The following FHIT variants were observed in gnomAD, a reference collection of about 807,000 sequenced individuals.
The protein encoded by FHIT is bis(5'-adenosyl)-triphosphatase.
FHIT carries 19 observed loss-of-function variants against 17.9 expected under a neutral mutation model. The ratio of observed to expected loss-of-function variants is 1.06; its 90% confidence interval spans 0.74 to 1.56. The LOEUF (loss-of-function observed/expected upper bound fraction) is 1.56. Ranked by LOEUF, FHIT falls within the 40% of genes most tolerant of loss-of-function variation. The probability of loss-of-function intolerance (pLI) is 0.00; values close to 1 mark genes in which losing one functional copy is unlikely to be tolerated. For missense variants in FHIT, 248 were observed against 189.2 expected (o/e 1.31, Z -1.82); for synonymous variants, 81 against 69.7 (o/e 1.16, Z -0.81).
chr3:59,785,792 C>T (rs1312728561), intron 8 of FHIT, among the ~76,000 whole-genome samples: 1 of 152,174 alleles, frequency 6.6e-6, no homozygotes, highest in Non-Finnish European at 1.5e-5. Context: ...GCCAGACGTC[C>T]TTCAGCCAGG....
intron 4 of FHIT, among the ~76,000 whole-genome samples, chr3:60,739,004 G>C (rs1279898154): frequency 6.6e-6 from 1 of 152,178 alleles, no homozygotes; most frequent in African/African-American, 2.4e-5. Flanking sequence ...CAGAGAAAGA[G>C]AGAGGAGAAG....
intron 5 of FHIT, among the ~76,000 whole-genome samples, chr3:60,180,820 T>G (rs1490223678): frequency 3.3e-5 from 5 of 152,164 alleles, no homozygotes; most frequent in Non-Finnish European, 7.3e-5. Context: ...TCACCATCTC[T>G]AAATTACTGG....
intron 5 of FHIT, among the ~76,000 whole-genome samples, chr3:60,126,334 T>G (rs2107244052): frequency 6.6e-6 from 1 of 152,272 alleles, no homozygotes; most frequent in Non-Finnish European, 1.5e-5. Context: ...CGTCCCTTTA[T>G]AAAGAAGTTC....
chr3:60,378,632 A>G (rs1164941897), intron 5 of FHIT, among the ~76,000 whole-genome samples: 2 of 152,240 alleles, frequency 1.3e-5, no homozygotes, highest in African/African-American at 4.8e-5. Flanking sequence ...ACCTACACAG[A>G]TTTAACATGT....
Position 60,018,756 on chromosome 3 carries a change from T to C in FHIT, c.104-4604A>G, listed in dbSNP as rs560910512. On this transcript the variant is annotated intron_variant, in intron 5 of 9. Transcript: ENST00000492590. ...ACTTTGGGAGGCCAAAGCGCGCGAA[T>C]CACCTGAGGTCAGCAGTTCAAGACC... 5.2e-4 allele frequency among the ~76,000 whole-genome samples: 79 copies of C among 152,236 alleles called. 1 individual carries two copies. In the South Asian group the frequency reaches 0.016, roughly 31 times the overall value.
chr3:60,509,889 A>G (rs757893246), intron 5 of FHIT, among the ~76,000 whole-genome samples: 2 of 152,194 alleles, frequency 1.3e-5, no homozygotes, highest in African/African-American at 4.8e-5. Flanking sequence ...CAATGAATAC[A>G]TCACGTACCT....
chr3:61,225,553 A>ATAACCAATTC (rs1279871512), intron 1 of FHIT, among the ~76,000 whole-genome samples: 2 of 152,246 alleles, frequency 1.3e-5, no homozygotes, highest in African/African-American at 4.8e-5. Context: ...TCAAAGCTTA[A>ATAACCAATTC]TAACCAATTC....
intron 3 of FHIT, among the ~76,000 whole-genome samples, chr3:60,954,432 G>T (rs540650308): frequency 1.3e-5 from 2 of 152,300 alleles, no homozygotes; most frequent in African/African-American, 4.8e-5. Flanking sequence ...GCTCTGGAGA[G>T]TTTAGAGAAG....
At chr3:59,904,795 G>A (rs369859192) in intron 8 of FHIT, among the ~76,000 whole-genome samples, 2 of 152,316 alleles carry the variant, frequency 1.3e-5, no homozygotes, top group South Asian at 4.1e-4. Context: ...CTCCCTACCT[G>A]AAGGTGAGAA....
intron 5 of FHIT, among the ~76,000 whole-genome samples, chr3:60,145,594 T>C (rs1700205837): frequency 6.6e-6 from 1 of 152,184 alleles, no homozygotes; most frequent in Non-Finnish European, 1.5e-5. Context: ...TCATCATTTA[T>C]CAGCAACGGA....
At chr3:60,614,809 G>T (rs1308152796) in intron 4 of FHIT, among the ~76,000 whole-genome samples, 15 of 78,232 alleles carry the variant, frequency 1.9e-4, no homozygotes, top group African/African-American at 2.5e-4. Context: ...TGCAAAAGTT[G>T]TTTTTTTTTT....
At chr3:60,087,803 C>T (rs1703559592) in intron 5 of FHIT, among the ~76,000 whole-genome samples, 4 of 152,170 alleles carry the variant, frequency 2.6e-5, no homozygotes, top group African/African-American at 9.7e-5. Flanking sequence ...TAGCCATTCT[C>T]TAAGAAGTTC....
chr3:60,394,799 C>T (rs1285653812), intron 5 of FHIT, among the ~76,000 whole-genome samples: 1 of 152,128 alleles, frequency 6.6e-6, no homozygotes, highest in African/African-American at 2.4e-5. Flanking sequence ...ACCACTGTTA[C>T]CACTATCATC....
intron 5 of FHIT, among the ~76,000 whole-genome samples, chr3:60,412,912 C>T (rs576931292): frequency 6.6e-6 from 1 of 152,244 alleles, no homozygotes; most frequent in Admixed American, 6.5e-5. Context: ...TTTGCACATG[C>T]TTTCTCTCAC....
chr3:60,940,276 C>T (rs892554403), intron 3 of FHIT, among the ~76,000 whole-genome samples: 6 of 152,074 alleles, frequency 3.9e-5, no homozygotes, highest in Non-Finnish European at 8.8e-5. Context: ...CACAAGCTCA[C>T]GTGTGCCAAA....
intron 2 of FHIT, among the ~76,000 whole-genome samples, chr3:61,133,598 A>G (rs1231875401): frequency 6.6e-6 from 1 of 152,238 alleles, no homozygotes; most frequent in African/African-American, 2.4e-5. Context: ...TTTAGGAATC[A>G]TCTATGTAGT....
chr3:60,550,272 A>G (rs906971673), intron 4 of FHIT, among the ~76,000 whole-genome samples: 1 of 152,234 alleles, frequency 6.6e-6, no homozygotes, highest in Non-Finnish European at 1.5e-5. Flanking sequence ...GATTTGTAAA[A>G]CATTCTAATC....
chr3:60,470,031 T>C (rs1228897510), intron 5 of FHIT, among the ~76,000 whole-genome samples: 4 of 100,872 alleles, frequency 4.0e-5, no homozygotes, highest in South Asian at 7.1e-4. Flanking sequence ...TGTCTCTCTG[T>C]CTCTCTCCCC....
intron 7 of FHIT, among the ~76,000 whole-genome samples, chr3:59,968,984 C>T (rs961147209): frequency 6.6e-6 from 1 of 152,160 alleles, no homozygotes; most frequent in Non-Finnish European, 1.5e-5. Flanking sequence ...TGCTGAGCAT[C>T]ATCACAGTCA....
Sources: allele counts gnomAD v4.1 joint callset (sites outside exome capture counted in the v4.1 genomes callset), GRCh38; gene constraint gnomAD v4.1.1; transcripts MANE v1.5; gene names NCBI Gene and HGNC (gene_info 2026-07-23, HGNC 2026-07-21).